Variants in ADD2 observed in about 807,000 individuals in gnomAD.
ADD2 encodes the protein beta-adducin.
In ADD2, 23 loss-of-function variants were observed where a neutral mutation model predicts 83.0. That is an observed-to-expected ratio of 0.28 (90% CI 0.20 to 0.39). ADD2 has a LOEUF of 0.39. Among genes scored for constraint, ADD2 ranks in the 10% least tolerant of loss-of-function variants. The pLI, the probability that ADD2 is intolerant of heterozygous loss-of-function variation, is 1.00. For synonymous variants in ADD2, 375 were observed against 375.4 expected, an observed-to-expected ratio of 1.00 and a Z score of 0.01; for missense variants, 758 against 944.9, an observed-to-expected ratio of 0.80 and a Z score of 2.59.
In ADD2 at chr2:70,692,440, C is replaced by G; in HGVS notation, c.668G>C (p.Arg223Pro). The change falls in exon 7 of 16, where the codon CGC (arginine) becomes CCC (proline). Residue 223 changes from arginine (R) to proline (P), a missense_variant. By Grantham distance (103) the Arg-to-Pro change is moderately radical (BLOSUM62 -2). Coordinates refer to ENST00000264436, the MANE Select transcript of ADD2 (RefSeq NM_001617.4). ...CGGTGTGTGCAGGTGGATGATGCAG[C>G]GCACGTCGGGCCTCGCTGCATAGAT... ...SAIYAARPDVRCIIHLHTPAT... is the reference protein window; with the variant it reads ...SAIYAARPDVPCIIHLHTPAT... 1 of 1,607,090 alleles carries G rather than the reference C, an allele frequency of 6.2e-7. No homozygotes were observed. Among genetic ancestry groups the G allele is most frequent in the Non-Finnish European group, 8.5e-7 (1 of 1,176,432 alleles).
intron 1 of ADD2, among the ~76,000 whole-genome samples, chr2:70,755,876 T>C (rs1408678876): frequency 6.6e-6 from 1 of 151,838 alleles, no homozygotes; most frequent in Non-Finnish European, 1.5e-5. Flanking sequence ...CTGGCCAACA[T>C]GGTGAAACCC....
chr2:70,744,381 T>C (rs1674074832), intron 1 of ADD2, among the ~76,000 whole-genome samples: 1 of 152,220 alleles, frequency 6.6e-6, no homozygotes, highest in African/African-American at 2.4e-5. Context: ...CAAACGGTTC[T>C]GAACTAAATT....
intron 14 of ADD2, 52 bp from the exon 15 acceptor site, chr2:70,673,058 G>A (rs1171116434): frequency 1.9e-6 from 3 of 1,587,104 alleles, no homozygotes; most frequent in Non-Finnish European, 2.6e-6. Flanking sequence ...AGAAGAGATG[G>A]GCAGGGAAAT....
chr2:70,728,514 G>A (rs182896062), intron 1 of ADD2, among the ~76,000 whole-genome samples: 2 of 152,180 alleles, frequency 1.3e-5, no homozygotes, highest in Non-Finnish European at 2.9e-5. Flanking sequence ...GGTGCACTAG[G>A]TGAATGGATA....
At chr2:70,739,418 T>G (rs1187302935) in intron 1 of ADD2, among the ~76,000 whole-genome samples, 3 of 152,160 alleles carry the variant, frequency 2.0e-5, no homozygotes, top group Non-Finnish European at 2.9e-5. Flanking sequence ...AAGAAAACAC[T>G]TATACAGTGT....
At chr2:70,684,276 G>A (rs576721645) in intron 9 of ADD2, among the ~76,000 whole-genome samples, 5 of 152,148 alleles carry the variant, frequency 3.3e-5, no homozygotes, top group Middle Eastern at 3.4e-3. Flanking sequence ...TTTTGAGACA[G>A]TGTCTCTGTT....
intron 1 of ADD2, among the ~76,000 whole-genome samples, chr2:70,742,054 T>C (rs1673946236): frequency 6.6e-6 from 1 of 152,170 alleles, no homozygotes; most frequent in African/African-American, 2.4e-5. Flanking sequence ...TCTACAAGCA[T>C]TTGATCCAAT....
At chr2:70,689,590 C>G (rs72899673) in intron 8 of ADD2, among the ~76,000 whole-genome samples, 269 of 152,334 alleles carry the variant, frequency 1.8e-3, no homozygotes, top group African/African-American at 6.2e-3. Context: ...TCCCCACACT[C>G]TAAATAATGT....
intron 1 of ADD2, among the ~76,000 whole-genome samples, chr2:70,744,348 T>C (rs1674073502): frequency 1.3e-5 from 2 of 152,250 alleles, no homozygotes; most frequent in African/African-American, 4.8e-5. Flanking sequence ...GTATTTATTA[T>C]AGCATGATAT....
chr2:70,689,527 C>A (rs1182778097), intron 8 of ADD2, among the ~76,000 whole-genome samples: 2 of 152,210 alleles, frequency 1.3e-5, no homozygotes, highest in Non-Finnish European at 2.9e-5. Flanking sequence ...ACAATGAATA[C>A]CCCATCTCTC....
chr2:70,672,492 C>T (rs782809923), intron 15 of ADD2, among the ~76,000 whole-genome samples: 2 of 152,206 alleles, frequency 1.3e-5, no homozygotes, highest in African/African-American at 4.8e-5. Context: ...AATTCAGCAT[C>T]TTAGGCCACA....
intron 1 of ADD2, among the ~76,000 whole-genome samples, chr2:70,739,873 G>T (rs1673788740): frequency 6.6e-6 from 1 of 152,188 alleles, no homozygotes; most frequent in Admixed American, 6.5e-5. Context: ...CCTACTTGAG[G>T]GTGGAGAGTG....
rs1675466337 is a variant in ADD2 at position 70,659,383 on chromosome 2, C to G, written c.*4042G>C. 6.6e-6 allele frequency: 1 copy of G among 152,120 alleles called. No homozygotes were observed. The highest frequency in any genetic ancestry group is 2.1e-4 in the South Asian group (1 of 4,822). The allele number at this position is 152,120 out of a possible 1,614,324, so 9.4% of individuals were successfully genotyped here. On this transcript the variant is annotated 3_prime_UTR_variant, in exon 16 of 16. Coordinates refer to ENST00000264436, the MANE Select transcript of ADD2 (RefSeq NM_001617.4). Reference sequence around the variant, plus strand: ...TAGCAGTAGCCCTGCTACAACAATGCCAAACATCTGAATGACTGTCTTGCC... The same window carrying G: ...TAGCAGTAGCCCTGCTACAACAATGGCAAACATCTGAATGACTGTCTTGCC...
chr2:70,705,532 T>C (rs1671841950), intron 3 of ADD2, among the ~76,000 whole-genome samples: 1 of 152,180 alleles, frequency 6.6e-6, no homozygotes, highest in African/African-American at 2.4e-5. Flanking sequence ...GTCAGACCCC[T>C]CTTGCCTCCA....
At chr2:70,738,403 C>T (rs1422528862) in intron 1 of ADD2, among the ~76,000 whole-genome samples, 1 of 152,172 alleles carries the variant, frequency 6.6e-6, no homozygotes, top group Non-Finnish European at 1.5e-5. Context: ...AAAAGAGAAG[C>T]ATGAAGAGGG....
At chr2:70,749,610 G>A (rs1162227451) in intron 1 of ADD2, among the ~76,000 whole-genome samples, 1 of 152,022 alleles carries the variant, frequency 6.6e-6, no homozygotes, top group Non-Finnish European at 1.5e-5. Context: ...ATACAGTCTT[G>A]GTCAATAACG....
intron 1 of ADD2, among the ~76,000 whole-genome samples, chr2:70,748,737 G>T (rs1234038117): frequency 6.6e-6 from 1 of 152,186 alleles, no homozygotes; most frequent in Non-Finnish European, 1.5e-5. Context: ...TGCATTTCAA[G>T]TATATTACTT....
At chr2:70,748,240 C>A (rs1173026937) in intron 1 of ADD2, among the ~76,000 whole-genome samples, 1 of 150,526 alleles carries the variant, frequency 6.6e-6, no homozygotes, top group Non-Finnish European at 1.5e-5. Flanking sequence ...CTCCTCCTCA[C>A]TCCAAGTATT....
At chr2:70,700,854 T>G (rs190960970) in intron 4 of ADD2, among the ~76,000 whole-genome samples, 19 of 152,192 alleles carry the variant, frequency 1.2e-4, no homozygotes, top group African/African-American at 4.3e-4. Flanking sequence ...ACAAAATATA[T>G]GACGAAAATT....
Sources: gnomAD v4.1 joint callset for allele counts (sites outside exome capture counted in the v4.1 genomes callset) on GRCh38, gnomAD v4.1.1 for gene constraint, MANE v1.5 for transcripts, NCBI Gene and HGNC (gene_info 2026-07-23, HGNC 2026-07-21) for gene names.